The following LPA variants were observed in gnomAD, a reference collection of about 807,000 sequenced individuals.
LPA encodes apolipoprotein(a).
A neutral mutation model predicts 197.9 loss-of-function variants in LPA; 199 were observed. That is an observed-to-expected ratio of 1.01 (90% CI 0.90 to 1.13). The LOEUF (loss-of-function observed/expected upper bound fraction) is 1.13. Ranked by LOEUF, LPA falls within the 50% of genes most tolerant of loss-of-function variation. The pLI is 0.00. For synonymous variants in LPA, 715 were observed against 639.5 expected, an observed-to-expected ratio of 1.12 and a Z score of -1.78; for missense variants, 1,853 against 1,785.8, an observed-to-expected ratio of 1.04 and a Z score of -0.68.
At chr6:160,568,654 A>G (rs1778507019) in intron 28 of LPA, among the ~76,000 whole-genome samples, 1 of 152,232 alleles carries the variant, frequency 6.6e-6, no homozygotes, top group Non-Finnish European at 1.5e-5. Flanking sequence ...AGGCAGGAGA[A>G]GGAAATAAAG....
At position 160,577,172 on chromosome 6, in the gene LPA, TG is replaced by T; in HGVS notation, c.4594del (p.His1532ThrfsTer15). On this transcript the variant is annotated frameshift_variant, in exon 28 of 39. Coordinates refer to ENST00000316300, the MANE Select transcript of LPA (RefSeq NM_005577.4). LOFTEE classifies it high-confidence loss of function. The part of the protein sequence containing the change: ...TCQSWSSMIP[H>X]WHQRTPENYP... The stretch of plus-strand genomic sequence containing the variant: ...GTTTTCTGGGGTCCTCTGATGCCAG[TG>T]TGGTATCATAGATGACCAAGATTGA... The T allele has an allele frequency of 6.2e-7, 1 of 1,613,890 alleles. No homozygotes were observed. The highest frequency in any genetic ancestry group is 2.2e-5 in the East Asian group (1 of 44,872).
In LPA at chr6:160,611,146, G is replaced by A. The variant is rs1303269855; in HGVS notation, c.2603+416C>T. 7.9e-5 allele frequency among the ~76,000 whole-genome samples: 12 copies of A among 152,154 alleles called. No homozygotes were observed. The East Asian group carries it at 1.4e-3, about 17-fold the overall frequency. Reference sequence around the variant, plus strand: ...AACAGATCAATTCACCTGTCCATAAGTAAGCACATAAACTTTCCTCATGAG... The same window carrying A: ...AACAGATCAATTCACCTGTCCATAAATAAGCACATAAACTTTCCTCATGAG... On this transcript the variant is annotated intron_variant, in intron 16 of 38. Transcript: ENST00000316300.
At chr6:160,549,447 C>T (rs966995617) in intron 30 of LPA, among the ~76,000 whole-genome samples, 2 of 152,170 alleles carry the variant, frequency 1.3e-5, no homozygotes, top group Non-Finnish European at 2.9e-5. Context: ...ACCTGTCTAA[C>T]TCTCTGTATC....
chr6:160,655,431 G>T (rs1483066950), intron 1 of LPA, among the ~76,000 whole-genome samples: 1 of 152,168 alleles, frequency 6.6e-6, no homozygotes, highest in Non-Finnish European at 1.5e-5. Flanking sequence ...CAGCAGCCTG[G>T]ACCTGTTTCA....
intron 28 of LPA, among the ~76,000 whole-genome samples, chr6:160,576,396 A>ATATATATATATGTG (rs1778675181): frequency 1.7e-4 from 8 of 46,926 alleles, no homozygotes; most frequent in Admixed American, 1.0e-3. Flanking sequence ...ATATGTATAT[A>ATATATATATATGTG]TATATATATA....
intron 37 of LPA, among the ~76,000 whole-genome samples, chr6:160,534,921 T>C (rs963703661): frequency 1.3e-5 from 2 of 151,740 alleles, no homozygotes; most frequent in Non-Finnish European, 2.9e-5. Flanking sequence ...CCAATGGTGA[T>C]AGTGATGGTG....
At chr6:160,535,054 G>C (rs955613220) in intron 37 of LPA, among the ~76,000 whole-genome samples, 2 of 151,056 alleles carry the variant, frequency 1.3e-5, no homozygotes, top group African/African-American at 4.9e-5. Context: ...GATGGTGGTG[G>C]GTAGTAATGA....
At chr6:160,550,082 G>A (rs1392344118) in intron 30 of LPA, among the ~76,000 whole-genome samples, 1 of 152,146 alleles carries the variant, frequency 6.6e-6, no homozygotes, top group Non-Finnish European at 1.5e-5. Flanking sequence ...TTAGCTGGGC[G>A]CAGTGGCGCA....
intron 16 of LPA, among the ~76,000 whole-genome samples, chr6:160,607,151 C>A (rs966191398): frequency 6.6e-6 from 1 of 152,042 alleles, no homozygotes; most frequent in African/African-American, 2.4e-5. Flanking sequence ...GGAGGATAAC[C>A]TTTCCAGGTC....
chr6:160,584,230 CTTCT>C lies in LPA; in HGVS notation c.4289+812_4289+815del, dbSNP rs1562331235. ...TCTTCTTCTTCTTCTTCTTCTTCTTCTTCTTCTTCCTCCTCCTCCTCCTCCTCCT... is the reference window on the plus strand; with the variant it reads ...TCTTCTTCTTCTTCTTCTTCTTCTTCTCTTCCTCCTCCTCCTCCTCCTCCT... On this transcript the variant is annotated intron_variant, in intron 26 of 38. Coordinates refer to ENST00000316300, the MANE Select transcript of LPA (RefSeq NM_005577.4). Among the ~76,000 whole-genome samples, 613 of 95,022 alleles carry C rather than the reference CTTCT, an allele frequency of 6.5e-3. 5 individuals are homozygous for C. Among genetic ancestry groups the C allele is most frequent in the Middle Eastern group, 0.029 (6 of 206 alleles). 62.3% of individuals were successfully genotyped at this position (95,022 alleles called of 152,430 possible).
rs1210347450 is a variant in LPA at position 160,555,463 on chromosome 6, G to GTA, written c.4973+560_4973+561dup. 4.0e-4 allele frequency among the ~76,000 whole-genome samples: 42 copies of GTA among 103,752 alleles called. No individual in the cohort carries two copies. The East Asian group carries it at 7.7e-3, about 19-fold the overall frequency. 68.1% of individuals were successfully genotyped at this position (103,752 alleles called of 152,430 possible). A position where few individuals can be genotyped will look rare whatever the true frequency, so the allele number is the denominator to read the frequency against. On this transcript the variant is annotated intron_variant, in intron 30 of 38. Coordinates refer to ENST00000316300, the MANE Select transcript of LPA (RefSeq NM_005577.4). ...TATATATATATATATATATGTGTGT[G>GTA]TATATATATATGTATATATATATGA...
intron 17 of LPA, 28 bp from the exon 18 acceptor site, chr6:160,605,233 T>G (rs528966247): frequency 6.2e-7 from 1 of 1,611,080 alleles, no homozygotes; most frequent in Admixed American, 1.7e-5. Flanking sequence ...GAAATCAAAC[T>G]GAGTGTTTCC....
intron 2 of LPA, among the ~76,000 whole-genome samples, chr6:160,649,175 G>A (rs1037069866): frequency 2.6e-5 from 4 of 152,102 alleles, no homozygotes; most frequent in African/African-American, 9.7e-5. Context: ...CTAAAGTATG[G>A]CTTTTCCTGG....
rs1176138984 is a variant in LPA, at chr6:160,585,133, G to A, written c.4202C>T (p.Ser1401Phe). ...ACATGTTCTTCCTGTGATAGTGGTG[G>A]AGAGTGTGCCTCGATAACTCTGTCC... ...GDGQSYRGTL[S>F]TTITGRTCQS... The change falls in exon 26 of 39, where the codon TCC becomes TTC. Residue 1401 changes from serine (S) to phenylalanine (F), a missense_variant. Transcript: ENST00000316300. 2 of 1,613,752 alleles carry A rather than the reference G, an allele frequency of 1.2e-6. No homozygotes were observed. Among genetic ancestry groups the A allele is most frequent in the African/African-American group, 1.3e-5 (1 of 74,892 alleles).
chr6:160,559,212 T>C (rs1778321992), intron 28 of LPA, among the ~76,000 whole-genome samples: 1 of 152,194 alleles, frequency 6.6e-6, no homozygotes, highest in Non-Finnish European at 1.5e-5. Flanking sequence ...CAGAGGCAAA[T>C]ACATTGGTTT....
chr6:160,579,310 A>G (rs1583593026), intron 26 of LPA, among the ~76,000 whole-genome samples: 1 of 152,162 alleles, frequency 6.6e-6, no homozygotes, highest in Non-Finnish European at 1.5e-5. Context: ...TGGTAGAGCA[A>G]GTGGGTTTGG....
intron 35 of LPA, among the ~76,000 whole-genome samples, chr6:160,540,524 G>T (rs942434856): frequency 2.0e-5 from 3 of 152,186 alleles, no homozygotes; most frequent in African/African-American, 7.2e-5. Flanking sequence ...ATGGTGATCA[G>T]TGAGCTCTCA....
intron 29 of LPA, among the ~76,000 whole-genome samples, chr6:160,556,639 C>T (rs1778269676): frequency 6.6e-6 from 1 of 152,128 alleles, no homozygotes; most frequent in Non-Finnish European, 1.5e-5. Flanking sequence ...CGGGGCAGTT[C>T]ATGGTCCTGC....
chr6:160,607,586 C>T (rs1195684803), intron 16 of LPA, among the ~76,000 whole-genome samples: 2 of 152,110 alleles, frequency 1.3e-5, no homozygotes, highest in African/African-American at 4.8e-5. Context: ...TTTGCTCTTC[C>T]TTATGCCTCC....
Sources: gnomAD v4.1 joint callset for allele counts (sites outside exome capture counted in the v4.1 genomes callset) on GRCh38, gnomAD v4.1.1 for gene constraint, MANE v1.5 for transcripts, NCBI Gene and HGNC (gene_info 2026-07-23, HGNC 2026-07-21) for gene names.